The following TBCA variants were observed in gnomAD, a reference collection of about 807,000 sequenced individuals.
TBCA encodes tubulin folding cofactor A.
In TBCA, 6 loss-of-function variants were observed where a neutral mutation model predicts 15.8. The ratio of observed to expected loss-of-function variants is 0.38; its 90% CI spans 0.21 to 0.75. TBCA has a LOEUF of 0.75. Among genes scored for constraint, TBCA ranks in the 30% least tolerant of loss-of-function variants. The pLI is 0.46. For synonymous variants in TBCA, 32 were observed against 42.3 expected, an observed-to-expected ratio of 0.76 and a Z score of 0.94; for missense variants, 90 against 131.2, an observed-to-expected ratio of 0.69 and a Z score of 1.53.
intron 1 of TBCA, among the ~76,000 whole-genome samples, chr5:77,741,222 C>T (rs562841826): frequency 1.3e-5 from 2 of 152,014 alleles, no homozygotes; most frequent in Admixed American, 6.6e-5. Flanking sequence ...AGTGTGGTTC[C>T]GAGAGAGAGA....
chr5:77,720,048 C>T (rs1216665058), intron 1 of TBCA, among the ~76,000 whole-genome samples: 1 of 152,158 alleles, frequency 6.6e-6, no homozygotes, highest in East Asian at 1.9e-4. Flanking sequence ...TTTGTAACAT[C>T]TCTATTTAGA....
intron 2 of TBCA, among the ~76,000 whole-genome samples, chr5:77,693,904 C>T (rs897134952): frequency 2.5e-4 from 38 of 151,316 alleles, no homozygotes; most frequent in African/African-American, 8.2e-4. Context: ...ATCACCTTCT[C>T]ATGCTAAGTG....
intron 1 of TBCA, among the ~76,000 whole-genome samples, chr5:77,767,098 G>A (rs1747796794): frequency 6.6e-6 from 1 of 152,168 alleles, no homozygotes; most frequent in African/African-American, 2.4e-5. Flanking sequence ...TACTAGTAAT[G>A]TAAGTTCAAA....
At chr5:77,754,203 T>G (rs987586868) in intron 1 of TBCA, among the ~76,000 whole-genome samples, 11 of 152,248 alleles carry the variant, frequency 7.2e-5, no homozygotes, top group Non-Finnish European at 1.0e-4. Flanking sequence ...AAATTCACCA[T>G]ACAAGACTCT....
chr5:77,733,505 T>C lies in TBCA; in HGVS notation c.54-25158A>G, dbSNP rs562711713. On this transcript the variant is annotated intron_variant, in intron 1 of 3. Coordinates refer to ENST00000380377, the MANE Select transcript of TBCA (RefSeq NM_004607.3). The stretch of plus-strand genomic sequence containing the variant: ...ATGGAGAAAGTTTTAGTGATCTGGA[T>C]AGATCAAACCAGCCACAACATTGCC... Among the ~76,000 whole-genome samples the C allele has an allele frequency of 3.8e-4, 58 of 152,316 alleles. 1 individual carries two copies. Among genetic ancestry groups the C allele is most frequent in the Admixed American group, 3.5e-3 (54 of 15,306 alleles).
intron 1 of TBCA, among the ~76,000 whole-genome samples, chr5:77,762,306 T>C (rs562278847): frequency 2.0e-3 from 306 of 152,340 alleles, no homozygotes; most frequent in Non-Finnish European, 3.6e-3. Context: ...AGACTAATTC[T>C]ACTTAATGTA....
intron 2 of TBCA, among the ~76,000 whole-genome samples, chr5:77,707,811 G>T (rs771671823): frequency 6.6e-6 from 1 of 152,182 alleles, no homozygotes; most frequent in Non-Finnish European, 1.5e-5. Flanking sequence ...AAAGACAGTA[G>T]AATTTAGCGG....
intron 1 of TBCA, among the ~76,000 whole-genome samples, chr5:77,753,508 T>G (rs1323578545): frequency 6.6e-6 from 1 of 152,206 alleles, no homozygotes; most frequent in Non-Finnish European, 1.5e-5. Flanking sequence ...AAGCAGAAAG[T>G]TACCATCCCA....
intron 1 of TBCA, among the ~76,000 whole-genome samples, chr5:77,713,710 T>C (rs1746333466): frequency 6.6e-6 from 1 of 152,174 alleles, no homozygotes. Flanking sequence ...CCTACTATGA[T>C]TTTTTATTTT....
chr5:77,732,209 T>C (rs959948575), intron 1 of TBCA, among the ~76,000 whole-genome samples: 3 of 152,172 alleles, frequency 2.0e-5, no homozygotes, highest in African/African-American at 4.8e-5. Flanking sequence ...ACTACAGGTT[T>C]CCAGTTTTAG....
At chr5:77,759,042 T>TCACCTGA (rs71608124) in intron 1 of TBCA, among the ~76,000 whole-genome samples, 1 of 152,176 alleles carries the variant, frequency 6.6e-6, no homozygotes, top group Non-Finnish European at 1.5e-5. Flanking sequence ...CACCTGACGG[T>TCACCTGA]CACCTGACAC....
chr5:77,761,640 TA>T (rs373655181), intron 1 of TBCA, among the ~76,000 whole-genome samples: 114 of 144,798 alleles, frequency 7.9e-4, no homozygotes, highest in African/African-American at 7.8e-4. Flanking sequence ...AATAAATACT[TA>T]AAAAAAAAAA....
intron 1 of TBCA, among the ~76,000 whole-genome samples, chr5:77,719,778 C>T (rs769547461): frequency 1.3e-5 from 2 of 152,082 alleles, no homozygotes; most frequent in African/African-American, 2.4e-5. Flanking sequence ...CATTATTTCA[C>T]GAATCCTCTA....
At chr5:77,743,400 G>A (rs1747094965) in intron 1 of TBCA, among the ~76,000 whole-genome samples, 1 of 152,318 alleles carries the variant, frequency 6.6e-6, no homozygotes, top group Non-Finnish European at 1.5e-5. Context: ...ATATCCATGA[G>A]AACAGAAAAT....
chr5:77,749,416 CT>C (rs1747263354), intron 1 of TBCA, among the ~76,000 whole-genome samples: 1 of 152,168 alleles, frequency 6.6e-6, no homozygotes, highest in Admixed American at 6.5e-5. Flanking sequence ...TAAATTTTAA[CT>C]TTGTATAACA....
chr5:77,773,519 AGG>A (rs1747957042), intron 1 of TBCA, among the ~76,000 whole-genome samples: 1 of 152,214 alleles, frequency 6.6e-6, no homozygotes, highest in Non-Finnish European at 1.5e-5. Flanking sequence ...TTTACAAATA[AGG>A]TAAAAGAGGC....
At chr5:77,698,050 G>A (rs1030463721) in intron 2 of TBCA, among the ~76,000 whole-genome samples, 11 of 152,038 alleles carry the variant, frequency 7.2e-5, no homozygotes, top group African/African-American at 2.2e-4. Context: ...AACCTGGGAG[G>A]TTAAGGCTGC....
At chr5:77,697,111 C>T (rs1745889826) in intron 2 of TBCA, among the ~76,000 whole-genome samples, 1 of 152,124 alleles carries the variant, frequency 6.6e-6, no homozygotes, top group Non-Finnish European at 1.5e-5. Context: ...AAACTGATAG[C>T]ACTGAAAGGA....
intron 1 of TBCA, among the ~76,000 whole-genome samples, chr5:77,747,517 T>C (rs1747214982): frequency 6.6e-6 from 1 of 152,144 alleles, no homozygotes; most frequent in Non-Finnish European, 1.5e-5. Flanking sequence ...CTATAACTGC[T>C]CACTAATGTA....
Sources: gnomAD v4.1 joint callset for allele counts (sites outside exome capture counted in the v4.1 genomes callset) on GRCh38, gnomAD v4.1.1 for gene constraint, MANE v1.5 for transcripts, NCBI Gene and HGNC (gene_info 2026-07-23, HGNC 2026-07-21) for gene names.